The following SLC35F4 variants were observed in gnomAD, a reference collection of about 807,000 sequenced individuals.
The protein encoded by SLC35F4 is solute carrier family 35 member F4.
SLC35F4 carries 24 observed loss-of-function variants against 44.2 expected under a neutral mutation model. The observed-to-expected ratio is 0.54, with a 90% CI of 0.39 to 0.76. The LOEUF (loss-of-function observed/expected upper bound fraction) is 0.76, where lower values mean the gene tolerates loss of function less well. Ranked by LOEUF, SLC35F4 falls within the 30% of genes least tolerant of loss-of-function variation. The pLI, the probability that SLC35F4 is intolerant of heterozygous loss-of-function variation, is 0.00. For synonymous variants in SLC35F4, 238 were observed against 223.6 expected (o/e 1.06, Z -0.57); for missense variants, 562 against 586.1 (o/e 0.96, Z 0.42).
chr14:57,608,798 G>C (rs1023793951), intron 1 of SLC35F4, among the ~76,000 whole-genome samples: 2 of 16,572 alleles, frequency 1.2e-4, no homozygotes, highest in East Asian at 1.2e-3. Context: ...GGGGGGGGGC[G>C]GCGGGGGGAG....
intron 1 of SLC35F4, among the ~76,000 whole-genome samples, chr14:57,748,523 G>C: frequency 6.6e-6 from 1 of 151,982 alleles, no homozygotes; most frequent in East Asian, 1.9e-4. Context: ...CTCAACAACA[G>C]CTGAGTCATG....
At chr14:57,629,957 A>G in intron 1 of SLC35F4, 2 of 512,554 alleles carry the variant, frequency 3.9e-6, no homozygotes, top group South Asian at 1.5e-5. Flanking sequence ...AATGTGGCCG[A>G]TGACACCAGG....
chr14:57,758,093 T>C (rs2077039813), intron 1 of SLC35F4, among the ~76,000 whole-genome samples: 1 of 151,982 alleles, frequency 6.6e-6, no homozygotes, highest in Non-Finnish European at 1.5e-5. Context: ...ACTTGCATTA[T>C]TTCTGGTGAG....
At chr14:57,649,039 T>A (rs1290034818) in intron 1 of SLC35F4, among the ~76,000 whole-genome samples, 2 of 152,202 alleles carry the variant, frequency 1.3e-5, no homozygotes, top group African/African-American at 4.8e-5. Flanking sequence ...TTTCTCATCA[T>A]CTTTCAAGTG....
chr14:57,750,331 C>G (rs2076854443), intron 1 of SLC35F4, among the ~76,000 whole-genome samples: 1 of 152,024 alleles, frequency 6.6e-6, no homozygotes, highest in Non-Finnish European at 1.5e-5. Context: ...TTTGCTATTC[C>G]AAATAGTGCT....
rs144803127 is a variant in SLC35F4 at position 57,943,897 on chromosome 14, T to A, written n.282+38016A>T. Among the ~76,000 whole-genome samples the A allele has an allele frequency of 4.0e-3, 614 of 152,326 alleles. 5 individuals carry two copies. The highest frequency in any genetic ancestry group is 0.014 in the African/African-American group (592 of 41,580). On this transcript the variant is annotated intron_variant and non_coding_transcript_variant, in intron 1 of 1. Coordinates refer to the SLC35F4 transcript ENST00000556568. ...CCTGCTGGGAGTGAATTGGCAGGGC[T>A]GAAGACTGAACAGTTTCATTAACAC... is the stretch of plus-strand genomic sequence containing the variant.
At chr14:57,870,190 G>GTCTA (rs67864207), upstream of SLC35F4, among the ~76,000 whole-genome samples, 10 of 106,126 alleles carry the variant, frequency 9.4e-5, no homozygotes, top group African/African-American at 1.0e-3. Flanking sequence ...CTCTCTCTCG[G>GTCTA]TCTGTTTTTC....
At chr14:57,674,078 G>A (rs1298626685) in intron 1 of SLC35F4, among the ~76,000 whole-genome samples, 1 of 152,026 alleles carries the variant, frequency 6.6e-6, no homozygotes, top group Non-Finnish European at 1.5e-5. Flanking sequence ...AGGGGTACAT[G>A]TGCAGGTTTA....
At chr14:57,581,831 A>G (rs1332187581) in intron 3 of SLC35F4, among the ~76,000 whole-genome samples, 1 of 152,246 alleles carries the variant, frequency 6.6e-6, no homozygotes. Context: ...GGCTACAGAC[A>G]ACTCCTAGAA....
intron 3 of SLC35F4, among the ~76,000 whole-genome samples, chr14:57,588,752 G>C (rs1026958704): frequency 4.6e-5 from 7 of 152,172 alleles, no homozygotes. Context: ...CTCAGTGTCA[G>C]GAATATTGAG....
intron 1 of SLC35F4, among the ~76,000 whole-genome samples, chr14:57,774,108 G>T (rs756882641): frequency 6.6e-6 from 1 of 151,156 alleles, no homozygotes; most frequent in Non-Finnish European, 1.5e-5. Context: ...TCCAAACGAG[G>T]GAAGGGGACA....
chr14:57,882,557 C>T (rs1256015156), intron 1 of SLC35F4, among the ~76,000 whole-genome samples: 1 of 152,142 alleles, frequency 6.6e-6, no homozygotes, highest in Non-Finnish European at 1.5e-5. Context: ...CTTCCCTATA[C>T]TCTGGGAAAA....
chr14:57,595,633 G>A (rs2070446179), intron 1 of SLC35F4: 1 of 151,944 alleles, frequency 6.6e-6, no homozygotes, highest in African/African-American at 2.4e-5. Flanking sequence ...TGAATATTTA[G>A]TTCATACTTT....
At chr14:57,728,450 T>A (rs1416981135) in intron 1 of SLC35F4, among the ~76,000 whole-genome samples, 3 of 127,934 alleles carry the variant, frequency 2.3e-5, no homozygotes, top group African/African-American at 5.9e-5. Flanking sequence ...TCTTTTTTTT[T>A]TTTTTTTTTT....
At chr14:57,749,993 A>G (rs761459418) in intron 1 of SLC35F4, among the ~76,000 whole-genome samples, 6 of 152,156 alleles carry the variant, frequency 3.9e-5, no homozygotes, top group Non-Finnish European at 8.8e-5. Context: ...CTATCACCCT[A>G]AATAACACAT....
chr14:57,834,798 T>C (rs902493883), intron 1 of SLC35F4, among the ~76,000 whole-genome samples: 1 of 152,208 alleles, frequency 6.6e-6, no homozygotes, highest in Non-Finnish European at 1.5e-5. Context: ...GGTAGGCGGA[T>C]CACCTGAGGT....
intron 1 of SLC35F4, among the ~76,000 whole-genome samples, chr14:57,964,297 C>T (rs547087790): frequency 7.2e-5 from 11 of 151,952 alleles, no homozygotes; most frequent in South Asian, 2.1e-4. Flanking sequence ...TCCAGCTTCT[C>T]GGCAGAAGTA....
intron 1 of SLC35F4, among the ~76,000 whole-genome samples, chr14:57,879,000 C>T (rs1229963021): frequency 6.6e-6 from 1 of 152,100 alleles, no homozygotes; most frequent in African/African-American, 2.4e-5. Context: ...GAAGGACATA[C>T]CATCTCTGCC....
At chr14:57,570,925 TCTCAGTTGGGGAGCAA>T (rs1181930476) in intron 5 of SLC35F4, among the ~76,000 whole-genome samples, 1 of 152,180 alleles carries the variant, frequency 6.6e-6, no homozygotes, top group African/African-American at 2.4e-5. Flanking sequence ...TCTTGGTGGA[TCTCAGTTGGGGAGCAA>T]GTTAGACAGT....
Sources: gnomAD v4.1 joint callset for allele counts (sites outside exome capture counted in the v4.1 genomes callset) on GRCh38, gnomAD v4.1.1 for gene constraint, MANE v1.5 for transcripts, NCBI Gene and HGNC (gene_info 2026-07-23, HGNC 2026-07-21) for gene names.